The following TMEM163 variants were observed in gnomAD, a reference collection of about 807,000 sequenced individuals.
TMEM163 encodes transmembrane protein 163.
In TMEM163, 17 loss-of-function variants were observed where a neutral mutation model predicts 29.3. That is an observed-to-expected ratio of 0.58 (90% CI 0.40 to 0.87). TMEM163 has a LOEUF of 0.87. Among genes scored for constraint, TMEM163 ranks in the 40% least tolerant of loss-of-function variants. The pLI is 0.00. For missense variants in TMEM163, 303 were observed against 381.5 expected, an observed-to-expected ratio of 0.79 and a Z score of 1.71; for synonymous variants, 157 against 160.6, an observed-to-expected ratio of 0.98 and a Z score of 0.17.
At chr2:134,512,607 T>C (rs1679975430) in intron 4 of TMEM163, among the ~76,000 whole-genome samples, 1 of 152,194 alleles carries the variant, frequency 6.6e-6, no homozygotes, top group African/African-American at 2.4e-5. Flanking sequence ...ATCCCGCACA[T>C]TTCCACTGCA....
At chr2:134,618,298 G>A (rs1255813315) in intron 2 of TMEM163, among the ~76,000 whole-genome samples, 5 of 152,210 alleles carry the variant, frequency 3.3e-5, no homozygotes, top group Middle Eastern at 3.4e-3. Flanking sequence ...TTAAGATGAG[G>A]ACTATTACTA....
At chr2:134,535,039 C>G (rs56244119) in intron 4 of TMEM163, among the ~76,000 whole-genome samples, 3,872 of 152,222 alleles carry the variant, frequency 0.025, 163 homozygotes, top group African/African-American at 0.087. Context: ...CACCTCACAC[C>G]ACTACTATTT....
rs5834416 is a variant in TMEM163, at chr2:134,460,075, A to ACC, written c.668-1904_668-1903dup. On this transcript the variant is annotated intron_variant, in intron 6 of 7. Transcript: ENST00000281924. The surrounding 1 kb of genome is among the most constrained non-coding windows in gnomAD (Gnocchi z 4.3). ...CCCCTCGAGCCCCTTGCCAGATGTT[A>ACC]CCCCCCCCCAAATTCATTCTCACTC... Among the ~76,000 whole-genome samples, 3,215 of 119,578 alleles carry ACC rather than the reference A, an allele frequency of 0.027. 63 individuals are homozygous for ACC. The highest frequency in any genetic ancestry group is 0.14 in the East Asian group (500 of 3,544). 78.4% of individuals were successfully genotyped at this position (119,578 alleles called of 152,430 possible).
At chr2:134,506,113 G>T (rs1002698129) in intron 4 of TMEM163, among the ~76,000 whole-genome samples, 7 of 152,108 alleles carry the variant, frequency 4.6e-5, no homozygotes, top group African/African-American at 1.7e-4. Context: ...AAAATCAAAA[G>T]AAATTTGTGA....
At chr2:134,642,949 CA>C in intron 2 of TMEM163, among the ~76,000 whole-genome samples, 1 of 150,748 alleles carries the variant, frequency 6.6e-6, no homozygotes, top group South Asian at 2.1e-4. Flanking sequence ...TTCTACCCTA[CA>C]AAAAAAGAGA....
At chr2:134,575,576 C>T (rs1574250088) in intron 2 of TMEM163, among the ~76,000 whole-genome samples, 1 of 152,334 alleles carries the variant, frequency 6.6e-6, no homozygotes, top group East Asian at 1.9e-4. Flanking sequence ...CTGGGTCACG[C>T]TTTCATGAGA....
intron 2 of TMEM163, among the ~76,000 whole-genome samples, chr2:134,596,231 T>G (rs1398021071): frequency 1.3e-5 from 2 of 152,186 alleles, no homozygotes; most frequent in African/African-American, 2.4e-5. Flanking sequence ...TCTTCTAGGG[T>G]TTTTATGGTT....
chr2:134,718,990 G>C lies in TMEM163; in HGVS notation c.-55C>G. On this transcript the variant is annotated 5_prime_UTR_variant, in exon 1 of 8. Coordinates refer to ENST00000281924, the MANE Select transcript of TMEM163 (RefSeq NM_030923.5). ...GACGACAAGCGCGGCGGGGACTCGA[G>C]TCAGAAGTGCGAGGCGCCGCGGCTC... 1.0e-6 allele frequency: 1 copy of C among 986,274 alleles called. No individual in the cohort carries two copies. Among genetic ancestry groups the C allele is most frequent in the Non-Finnish European group, 1.2e-6 (1 of 827,830 alleles). The allele number at this position is 986,274 out of a possible 1,614,324, so 61.1% of individuals were successfully genotyped here. A position where few individuals can be genotyped will look rare whatever the true frequency, so the allele number is the denominator to read the frequency against.
intron 2 of TMEM163, among the ~76,000 whole-genome samples, chr2:134,657,403 C>CT (rs1263090044): frequency 1.1e-4 from 16 of 152,212 alleles, no homozygotes; most frequent in African/African-American, 3.6e-4. Flanking sequence ...ATGCATAAAG[C>CT]TAGAGACCAT....
intron 2 of TMEM163, among the ~76,000 whole-genome samples, chr2:134,585,640 G>A (rs929493519): frequency 6.6e-6 from 1 of 151,996 alleles, no homozygotes; most frequent in Non-Finnish European, 1.5e-5. Context: ...TACTAGGGAG[G>A]CTGAAGCAGG....
At chr2:134,582,723 A>G (rs1681723803) in intron 2 of TMEM163, among the ~76,000 whole-genome samples, 1 of 152,174 alleles carries the variant, frequency 6.6e-6, no homozygotes, top group Admixed American at 6.5e-5. Context: ...AGAAAAAAAT[A>G]ATCATGTCTC....
intron 2 of TMEM163, among the ~76,000 whole-genome samples, chr2:134,640,717 A>T (rs1042348846): frequency 7.2e-5 from 11 of 152,312 alleles, no homozygotes; most frequent in Non-Finnish European, 1.5e-4. Flanking sequence ...AGCACAGCCC[A>T]GGTCTCTCAA....
intron 2 of TMEM163, among the ~76,000 whole-genome samples, chr2:134,693,303 A>G (rs1684508854): frequency 6.6e-6 from 1 of 152,166 alleles, no homozygotes; most frequent in South Asian, 2.1e-4. Context: ...CAGCAATTGT[A>G]GGTGATCAAA....
chr2:134,474,258 A>T (rs904131871), intron 5 of TMEM163, among the ~76,000 whole-genome samples: 3 of 152,240 alleles, frequency 2.0e-5, no homozygotes, highest in African/African-American at 7.2e-5. Context: ...AAGAAAGCCC[A>T]TATAATCATC....
At chr2:134,548,982 AT>A (rs1470284814) in intron 4 of TMEM163, among the ~76,000 whole-genome samples, 1 of 152,118 alleles carries the variant, frequency 6.6e-6, no homozygotes. Context: ...ATCATTTGAA[AT>A]TTTTAAAAGT....
intron 5 of TMEM163, 64 bp downstream of exon 5, chr2:134,502,837 T>C (rs1186057967): frequency 6.8e-7 from 1 of 1,470,232 alleles, no homozygotes; most frequent in East Asian, 2.3e-5. Context: ...AACCCTGCGA[T>C]AAGAGGCAGC....
chr2:134,465,364 CACCCACCA>C (rs544767479), intron 6 of TMEM163, among the ~76,000 whole-genome samples: 22 of 152,124 alleles, frequency 1.4e-4, no homozygotes, highest in African/African-American at 5.1e-4. Flanking sequence ...TGTGCAGATG[CACCCACCA>C]ACCCACCAAC....
intron 2 of TMEM163, among the ~76,000 whole-genome samples, chr2:134,611,596 A>G (rs1221875638): frequency 6.6e-6 from 1 of 152,120 alleles, no homozygotes; most frequent in Non-Finnish European, 1.5e-5. Flanking sequence ...AAGGAACAAC[A>G]TTTTAGAGAG....
rs116833015 is a variant in TMEM163 at position 134,659,452 on chromosome 2, G to A, written c.322+53748C>T. Among the ~76,000 whole-genome samples the A allele has an allele frequency of 6.5e-3, 987 of 152,260 alleles. 14 individuals are homozygous for A. The highest frequency in any genetic ancestry group is 0.023 in the African/African-American group (949 of 41,524). On this transcript the variant is annotated intron_variant, in intron 2 of 7. Coordinates refer to ENST00000281924, the MANE Select transcript of TMEM163 (RefSeq NM_030923.5). Reference sequence around the variant, plus strand: ...GGCTAAGGCACAGAATGACTGCAGTGGCTCTGGGTGTGCCACTGCCCAGGT... The same window carrying A: ...GGCTAAGGCACAGAATGACTGCAGTAGCTCTGGGTGTGCCACTGCCCAGGT...
Sources: gnomAD v4.1 joint callset for allele counts (sites outside exome capture counted in the v4.1 genomes callset) on GRCh38, gnomAD v4.1.1 for gene constraint, Gnocchi (gnomAD v3.1) non-coding constraint, MANE v1.5 for transcripts, NCBI Gene and HGNC (gene_info 2026-07-23, HGNC 2026-07-21) for gene names.